The following PKIG variants were observed in gnomAD, a reference collection of about 807,000 sequenced individuals.
The protein encoded by PKIG is cAMP-dependent protein kinase inhibitor gamma.
In PKIG, 1 loss-of-function variant was observed where a neutral mutation model predicts 6.8. The ratio of observed to expected loss-of-function variants is 0.15; its 90% confidence interval spans 0.05 to 0.69. PKIG has a LOEUF of 0.69. Ranked by LOEUF, PKIG falls within the 30% of genes least tolerant of loss-of-function variation. The probability of loss-of-function intolerance (pLI) is 0.82; values close to 1 mark genes in which losing one functional copy is unlikely to be tolerated. For missense variants in PKIG, 77 were observed against 104.0 expected, an observed-to-expected ratio of 0.74 and a Z score of 1.13; for synonymous variants, 39 against 43.0, an observed-to-expected ratio of 0.91 and a Z score of 0.36.
At chr20:44,612,395 T>C (rs957617376) in intron 2 of PKIG, among the ~76,000 whole-genome samples, 1 of 148,784 alleles carries the variant, frequency 6.7e-6, no homozygotes, top group Non-Finnish European at 1.5e-5. Flanking sequence ...GGTGGGCCCA[T>C]GGGCCCACCC....
intron 1 of PKIG, among the ~76,000 whole-genome samples, chr20:44,532,711 G>A (rs942943777): frequency 6.6e-6 from 1 of 152,222 alleles, no homozygotes; most frequent in African/African-American, 2.4e-5. Flanking sequence ...TGGATGATCA[G>A]GGAGAGATGC....
chr20:44,607,865 T>C (rs2065180532), intron 2 of PKIG, among the ~76,000 whole-genome samples: 1 of 151,952 alleles, frequency 6.6e-6, no homozygotes, highest in Admixed American at 6.6e-5. Context: ...TTTGCATTTT[T>C]AGTAGAGACG....
intron 1 of PKIG, among the ~76,000 whole-genome samples, chr20:44,572,176 T>C (rs2064859533): frequency 6.6e-6 from 1 of 152,162 alleles, no homozygotes; most frequent in African/African-American, 2.4e-5. Context: ...GCTAATTTTT[T>C]TGTGTTTTTA....
intron 3 of PKIG, among the ~76,000 whole-genome samples, chr20:44,617,904 AAAAC>A (rs575503405): frequency 1.0e-3 from 159 of 151,890 alleles, no homozygotes; most frequent in Middle Eastern, 3.4e-3. Context: ...AATTAAAAAA[AAAAC>A]AAACAAACAG....
At chr20:44,570,074 C>T (rs961773176) in intron 1 of PKIG, among the ~76,000 whole-genome samples, 2 of 152,108 alleles carry the variant, frequency 1.3e-5, no homozygotes, top group African/African-American at 2.4e-5. Context: ...GAGGTTACAG[C>T]GAGCTATGAT....
intron 2 of PKIG, among the ~76,000 whole-genome samples, chr20:44,606,886 G>A (rs1338265907): frequency 6.6e-6 from 1 of 152,228 alleles, no homozygotes; most frequent in South Asian, 2.1e-4. Flanking sequence ...AGAACACAGT[G>A]TTCAAGGTGC....
chr20:44,616,877 G>A (rs751013984), intron 3 of PKIG, among the ~76,000 whole-genome samples: 3 of 152,210 alleles, frequency 2.0e-5, no homozygotes, highest in African/African-American at 7.2e-5. Flanking sequence ...CAGCGGGCTC[G>A]GAATAGGGTC....
chr20:44,600,353 A>G (rs979825197), intron 2 of PKIG, among the ~76,000 whole-genome samples: 3 of 152,206 alleles, frequency 2.0e-5, no homozygotes, highest in Non-Finnish European at 4.4e-5. Flanking sequence ...CGAAGCAGGG[A>G]AATTCCAGTG....
chr20:44,557,785 C>G (rs1381348014), intron 1 of PKIG, among the ~76,000 whole-genome samples: 1 of 151,848 alleles, frequency 6.6e-6, no homozygotes, highest in Non-Finnish European at 1.5e-5. Flanking sequence ...GATCACGCCA[C>G]TGCACTCCAG....
chr20:44,607,387 T>A (rs926899245), intron 2 of PKIG, among the ~76,000 whole-genome samples: 13 of 144,674 alleles, frequency 9.0e-5, no homozygotes, highest in Admixed American at 8.3e-4. Flanking sequence ...ATTTTTTTTT[T>A]TTTTTTTTTG....
intron 1 of PKIG, among the ~76,000 whole-genome samples, chr20:44,567,786 C>CA (rs1447312714): frequency 2.6e-5 from 4 of 152,222 alleles, no homozygotes; most frequent in African/African-American, 4.8e-5. Flanking sequence ...TCCCGGCTGA[C>CA]AGAGTGTGGC....
In PKIG at chr20:44,614,903, C is replaced by A. The variant is rs549176991; in HGVS notation, c.151+196C>A. On this transcript the variant is annotated intron_variant, in intron 3 of 3. Transcript: ENST00000372886. This position sits in a 1 kb window ranked among gnomAD's most constrained non-coding sequence, Gnocchi z 4.6. The stretch of plus-strand genomic sequence containing the variant: ...GTTTGAGTCTCAGGCCCCAAGGACT[C>A]CTCTGGACAGGCATCCGGGACTCTT... 2.3e-5 allele frequency: 14 copies of A among 601,856 alleles called. No individual in the cohort carries two copies. The highest frequency in any genetic ancestry group is 4.1e-5 in the Non-Finnish European group (14 of 345,118). 37.3% of individuals were successfully genotyped at this position (601,856 alleles called of 1,614,324 possible).
At position 44,588,819 on chromosome 20, in the gene PKIG, G is replaced by T. The variant is rs141783787; in HGVS notation, c.-93-978G>T. Among the ~76,000 whole-genome samples, 932 of 152,226 alleles carry T rather than the reference G, an allele frequency of 6.1e-3. 17 individuals are homozygous for T. The highest frequency in any genetic ancestry group is 0.021 in the African/African-American group (874 of 41,546). ...CTTGGGGTCTGTGAATGGTAAACTT[G>T]CCCAGTCTTTGTTTGAAAATATCTT... On this transcript the variant is annotated intron_variant, in intron 1 of 3. Transcript: ENST00000372886.
At chr20:44,552,745 G>A (rs561560226) in intron 1 of PKIG, among the ~76,000 whole-genome samples, 14 of 152,258 alleles carry the variant, frequency 9.2e-5, no homozygotes, top group African/African-American at 2.4e-4. Context: ...TTATTGGCAC[G>A]TAGTAGGTGC....
intron 1 of PKIG, among the ~76,000 whole-genome samples, chr20:44,589,508 A>G (rs2065017570): frequency 6.6e-6 from 1 of 152,182 alleles, no homozygotes; most frequent in Admixed American, 6.5e-5. Flanking sequence ...TTGATACACC[A>G]TAATTTAACT....
At chr20:44,607,935 C>A (rs1359855016) in intron 2 of PKIG, among the ~76,000 whole-genome samples, 2 of 151,966 alleles carry the variant, frequency 1.3e-5, no homozygotes, top group African/African-American at 4.8e-5. Context: ...CCACACCCAC[C>A]CCCCGCCGCC....
intron 1 of PKIG, among the ~76,000 whole-genome samples, chr20:44,533,954 G>A (rs764815189): frequency 6.6e-6 from 1 of 152,224 alleles, no homozygotes; most frequent in Non-Finnish European, 1.5e-5. Flanking sequence ...CAGATTTGGT[G>A]AAATGGTTGG....
At chr20:44,567,844 T>G (rs2064822896) in intron 1 of PKIG, among the ~76,000 whole-genome samples, 1 of 152,212 alleles carries the variant, frequency 6.6e-6, no homozygotes. Context: ...GTGTTTGATA[T>G]TTTGATTATT....
rs1001394053 is a variant in PKIG, at chr20:44,555,898, T to C, written c.-241+23920T>C. On this transcript the variant is annotated intron_variant, in intron 1 of 4. Transcript: ENST00000372887. ...TGTCACCCAGGCTGGAATAGTGCAA[T>C]GGCGTGATCTCTGCTCACGGCAACT... Among the ~76,000 whole-genome samples the C allele has an allele frequency of 3.3e-5, 5 of 152,206 alleles. 1 individual carries two copies. The highest frequency in any genetic ancestry group is 6.5e-5 in the Admixed American group (1 of 15,286).
Sources: allele counts gnomAD v4.1 joint callset (sites outside exome capture counted in the v4.1 genomes callset), GRCh38; gene constraint gnomAD v4.1.1; non-coding constraint Gnocchi (gnomAD v3.1); transcripts MANE v1.5; gene names NCBI Gene and HGNC (gene_info 2026-07-23, HGNC 2026-07-21).